Variants in GRIP1 observed in about 807,000 individuals in gnomAD.
GRIP1 encodes the protein glutamate receptor interacting protein 1.
In GRIP1, 45 loss-of-function variants were observed where a neutral mutation model predicts 129.9. That is an observed-to-expected ratio of 0.35 (90% confidence interval 0.27 to 0.44). The LOEUF (loss-of-function observed/expected upper bound fraction) is 0.44. GRIP1 is among the 20% of genes least tolerant of loss of function. The pLI is 1.00. For synonymous variants in GRIP1, 530 were observed against 520.8 expected (o/e 1.02, Z -0.24); for missense variants, 1,196 against 1,396.8 (o/e 0.86, Z 2.29).
At chr12:67,029,727 A>G (rs2042993598) in intron 1 of GRIP1, among the ~76,000 whole-genome samples, 1 of 152,134 alleles carries the variant, frequency 6.6e-6, no homozygotes, top group Non-Finnish European at 1.5e-5. Flanking sequence ...CACAAAAGCA[A>G]TAACGGACAT....
chr12:67,038,586 CT>C (rs2135802601), intron 1 of GRIP1, among the ~76,000 whole-genome samples: 1 of 152,264 alleles, frequency 6.6e-6, no homozygotes, highest in Non-Finnish European at 1.5e-5. Flanking sequence ...CTCAGAGCCC[CT>C]TTTAAAAACT....
At chr12:66,908,877 C>A (rs1023898578) in intron 1 of GRIP1, among the ~76,000 whole-genome samples, 1 of 152,104 alleles carries the variant, frequency 6.6e-6, no homozygotes. Context: ...GAAAACAACC[C>A]TTGGATTTAA....
intron 1 of GRIP1, among the ~76,000 whole-genome samples, chr12:66,698,767 G>A (rs548576899): frequency 3.3e-5 from 5 of 152,204 alleles, no homozygotes; most frequent in Admixed American, 1.3e-4. Flanking sequence ...CCCAGTAGGT[G>A]GAAGCACCAC....
At chr12:66,949,240 A>G (rs1300040495) in intron 1 of GRIP1, among the ~76,000 whole-genome samples, 1 of 152,128 alleles carries the variant, frequency 6.6e-6, no homozygotes, top group Non-Finnish European at 1.5e-5. Flanking sequence ...TTCACTATTA[A>G]AAAAAAGAAG....
intron 1 of GRIP1, among the ~76,000 whole-genome samples, chr12:66,872,156 G>C (rs914508613): frequency 6.6e-6 from 1 of 152,042 alleles, no homozygotes; most frequent in Non-Finnish European, 1.5e-5. Flanking sequence ...ACCTGCAGGA[G>C]GTTTTGCCAG....
intron 19 of GRIP1, 148 bp downstream of exon 19, chr12:66,392,160 G>A (rs1244587436): frequency 1.5e-6 from 1 of 651,444 alleles, no homozygotes; most frequent in Non-Finnish European, 2.8e-6. Context: ...CAGAGTGTAA[G>A]TATTCAATGT....
upstream of GRIP1, among the ~76,000 whole-genome samples, chr12:67,069,323 CGGCGGCGGCCGGGCCGGGCCG>C (rs1565666030): frequency 3.6e-5 from 5 of 139,864 alleles, no homozygotes; most frequent in Non-Finnish European, 7.9e-5. Context: ...GCGGCGGCGG[CGGCGGCGGCCGGGCCGGGCCG>C]GGCCGGGCCC....
chr12:66,371,180 A>G (rs987737013), intron 23 of GRIP1, among the ~76,000 whole-genome samples: 180 of 109,240 alleles, frequency 1.6e-3, no homozygotes, highest in African/African-American at 7.0e-3. Context: ...TTTTTTTGGG[A>G]CAGAGTGTTG....
At chr12:66,561,470 A>C (rs1227781628) in intron 2 of GRIP1, among the ~76,000 whole-genome samples, 3 of 152,070 alleles carry the variant, frequency 2.0e-5, no homozygotes, top group Non-Finnish European at 4.4e-5. Context: ...CTATATACCC[A>C]CAAAAATTAA....
chr12:66,868,922 G>C (rs1241014606), intron 1 of GRIP1, among the ~76,000 whole-genome samples: 2 of 152,094 alleles, frequency 1.3e-5, no homozygotes, highest in African/African-American at 4.8e-5. Flanking sequence ...TTCACAAGGA[G>C]TCTGGAGGAT....
At chr12:66,913,661 A>C (rs1282206151) in intron 1 of GRIP1, among the ~76,000 whole-genome samples, 1 of 152,174 alleles carries the variant, frequency 6.6e-6, no homozygotes, top group African/African-American at 2.4e-5. Context: ...CTTTAAAATA[A>C]TAATGTGACA....
At chr12:66,433,505 CA>C (rs988337629) in intron 13 of GRIP1, among the ~76,000 whole-genome samples, 1 of 152,120 alleles carries the variant, frequency 6.6e-6, no homozygotes, top group Admixed American at 6.5e-5. Flanking sequence ...ATCAAGGCAA[CA>C]GAGAGAGAAC....
At chr12:66,713,637 T>G (rs1344695951) in intron 1 of GRIP1, among the ~76,000 whole-genome samples, 1 of 152,074 alleles carries the variant, frequency 6.6e-6, no homozygotes, top group Non-Finnish European at 1.5e-5. Context: ...GCATCCTTTG[T>G]TACTCGACTC....
intron 8 of GRIP1, 43 bp downstream of exon 8, chr12:66,465,232 C>T: frequency 6.4e-7 from 1 of 1,574,762 alleles, no homozygotes; most frequent in Non-Finnish European, 8.7e-7. Context: ...AGGCGTGAGC[C>T]ACTGCGCCTG....
intron 1 of GRIP1, among the ~76,000 whole-genome samples, chr12:67,032,039 C>G (rs1293625821): frequency 6.6e-6 from 1 of 152,144 alleles, no homozygotes; most frequent in African/African-American, 2.4e-5. Context: ...GTTAGGGATA[C>G]ACTTCAGACA....
intron 1 of GRIP1, among the ~76,000 whole-genome samples, chr12:66,610,837 G>T (rs747251486): frequency 5.9e-5 from 9 of 152,104 alleles, no homozygotes; most frequent in Non-Finnish European, 1.3e-4. Flanking sequence ...AGGTGGGAAT[G>T]AATACCATTT....
chr12:66,580,445 T>G (rs1433217508), intron 2 of GRIP1, among the ~76,000 whole-genome samples: 1 of 152,052 alleles, frequency 6.6e-6, no homozygotes, highest in African/African-American at 2.4e-5. Context: ...ATGCTCCAAT[T>G]AAAAGACACA....
intron 7 of GRIP1, among the ~76,000 whole-genome samples, chr12:66,470,797 A>G (rs1175685108): frequency 1.3e-5 from 2 of 152,220 alleles, no homozygotes; most frequent in African/African-American, 2.4e-5. Flanking sequence ...GGGAAACTAC[A>G]AGGGATGATA....
intron 13 of GRIP1, among the ~76,000 whole-genome samples, chr12:66,435,202 A>T (rs1169264656): frequency 6.5e-5 from 9 of 139,452 alleles, no homozygotes; most frequent in Non-Finnish European, 4.6e-5. Flanking sequence ...ACGTGTGACC[A>T]TTTTTTTTTT....
Sources: allele counts gnomAD v4.1 joint callset (sites outside exome capture counted in the v4.1 genomes callset), GRCh38; gene constraint gnomAD v4.1.1; transcripts MANE v1.5; gene names NCBI Gene and HGNC (gene_info 2026-07-23, HGNC 2026-07-21).